CFAP91: variants seen among roughly 807,000 people sequenced by gnomAD.
CFAP91 encodes cilia and flagella associated protein 91, also known as cilia- and flagella-associated protein 91.
In CFAP91, 85 loss-of-function variants were observed where a neutral mutation model predicts 95.9. The observed-to-expected ratio is 0.89, with a 90% CI of 0.74 to 1.06. The LOEUF (loss-of-function observed/expected upper bound fraction) is 1.06, where lower values mean the gene tolerates loss of function less well. Ranked by LOEUF, CFAP91 falls within the 50% of genes least tolerant of loss-of-function variation. The pLI is 0.00. For synonymous variants in CFAP91, 335 were observed against 327.5 expected (o/e 1.02, Z -0.25); for missense variants, 962 against 943.4 (o/e 1.02, Z -0.26).
intron 7 of CFAP91, among the ~76,000 whole-genome samples, chr3:119,727,537 C>T (rs1225898330): frequency 6.6e-6 from 1 of 152,172 alleles, no homozygotes; most frequent in Non-Finnish European, 1.5e-5. Context: ...CTTTTACATG[C>T]TAGACTCTGT....
Position 119,751,046 on chromosome 3 carries a change from A to T in CFAP91, c.2253A>T (p.Ser751=). ...CTGAGGGAGAGCAAGATGAGGCCTC[A>T]AATGCTGCCATGTTACTTGAGAAAG... ...KLTEGEQDEA[S]NAAMLLEKET... Residue 751 remains serine (S), a synonymous_variant, in exon 17 of 18, where the codon TCA becomes TCT. Transcript: ENST00000273390. 5 of 1,613,384 alleles carry T rather than the reference A, an allele frequency of 3.1e-6. No homozygotes were observed. The highest frequency in any genetic ancestry group is 4.2e-6 in the Non-Finnish European group (5 of 1,179,690).
At chr3:119,703,341 T>G in intron 1 of CFAP91, 119 bp downstream of exon 1, 64 of 1,459,558 alleles carry the variant, frequency 4.4e-5, no homozygotes, top group Middle Eastern at 2.3e-4. Context: ...GACTGACCTC[T>G]TGCCCACGGT....
At chr3:119,754,764 C>A (rs533773013) in intron 17 of CFAP91, among the ~76,000 whole-genome samples, 1 of 152,222 alleles carries the variant, frequency 6.6e-6, no homozygotes, top group Admixed American at 6.5e-5. Flanking sequence ...CTCAGCAGAG[C>A]TATGGGGTGG....
chr3:119,748,703 A>G (rs1272711001), intron 16 of CFAP91, among the ~76,000 whole-genome samples: 1 of 152,172 alleles, frequency 6.6e-6, no homozygotes, highest in African/African-American at 2.4e-5. Flanking sequence ...ACAAAGAAAT[A>G]CCTGATTTTT....
At position 119,766,741 on chromosome 3, in the gene CFAP91, A is replaced by G. The variant is rs531861939; in HGVS notation, c.*1691A>G. The stretch of plus-strand genomic sequence containing the variant: ...CTCGATGACACAGAAATGAATGCAC[A>G]TGACTGTGTTCCAGTAAAATTTTAT... On this transcript the variant is annotated 3_prime_UTR_variant, in exon 18 of 18. Coordinates refer to ENST00000273390, the MANE Select transcript of CFAP91 (RefSeq NM_033364.4). The G allele has an allele frequency of 2.0e-5, 3 of 152,368 alleles. No homozygotes were observed. The South Asian group carries it at 6.2e-4, about 32-fold the overall frequency. The allele number at this position is 152,368 out of a possible 1,614,324, so 9.4% of individuals were successfully genotyped here.
In CFAP91 at chr3:119,751,050, G is replaced by C; in HGVS notation, c.2257G>C (p.Ala753Pro). ...GGGAGAGCAAGATGAGGCCTCAAATGCTGCCATGTTACTTGAGAAAGAAAC... is the reference window on the plus strand; with the variant it reads ...GGGAGAGCAAGATGAGGCCTCAAATCCTGCCATGTTACTTGAGAAAGAAAC... ...TEGEQDEASN[A>P]AMLLEKETQN... Residue 753 changes from alanine (A) to proline (P), a missense_variant, in exon 17 of 18, where the codon GCT becomes CCT. Coordinates refer to ENST00000273390, the MANE Select transcript of CFAP91 (RefSeq NM_033364.4). 4 of 1,613,020 alleles carry C rather than the reference G, an allele frequency of 2.5e-6. No homozygotes were observed. The highest frequency in any genetic ancestry group is 1.3e-5 in the African/African-American group (1 of 74,934).
chr3:119,712,694 C>T (rs915424052), intron 5 of CFAP91, among the ~76,000 whole-genome samples: 7 of 152,132 alleles, frequency 4.6e-5, no homozygotes, highest in African/African-American at 1.7e-4. Context: ...GTGGCTCAGA[C>T]CTGTAATCTC....
intron 13 of CFAP91, among the ~76,000 whole-genome samples, chr3:119,741,995 T>C (rs1003159106): frequency 6.6e-6 from 1 of 152,152 alleles, no homozygotes; most frequent in Non-Finnish European, 1.5e-5. Context: ...CCTAGAGTCC[T>C]GGAAAAGCTC....
At chr3:119,719,152 T>C (rs751703612) in intron 6 of CFAP91, among the ~76,000 whole-genome samples, 4 of 152,346 alleles carry the variant, frequency 2.6e-5, no homozygotes, top group African/African-American at 4.8e-5. Flanking sequence ...TGTAGATGTG[T>C]ATATAATTGC....
chr3:119,732,165 G>C (rs991191592), intron 8 of CFAP91, 129 bp from the exon 9 acceptor site: 14 of 674,124 alleles, frequency 2.1e-5, no homozygotes, highest in Non-Finnish European at 3.4e-5. Context: ...TCTGGCTGTC[G>C]TGAGTCATCA....
At chr3:119,762,649 G>A (rs1015034390) in intron 17 of CFAP91, among the ~76,000 whole-genome samples, 2 of 151,964 alleles carry the variant, frequency 1.3e-5, no homozygotes, top group Non-Finnish European at 2.9e-5. Context: ...GTAATAGAGA[G>A]CCCAGAAATG....
intron 5 of CFAP91, among the ~76,000 whole-genome samples, chr3:119,714,891 G>T (rs896840720): frequency 3.9e-5 from 6 of 152,138 alleles, no homozygotes; most frequent in African/African-American, 1.4e-4. Flanking sequence ...TTCACTCAAA[G>T]ATGATATAAA....
chr3:119,763,505 A>G (rs1450817220), intron 17 of CFAP91, among the ~76,000 whole-genome samples: 1 of 152,072 alleles, frequency 6.6e-6, no homozygotes, highest in African/African-American at 2.4e-5. Flanking sequence ...TGTGAAAGAG[A>G]TATCTGCACT....
At chr3:119,711,164 A>ACAATAC (rs2053465442) in intron 5 of CFAP91, among the ~76,000 whole-genome samples, 1 of 152,210 alleles carries the variant, frequency 6.6e-6, no homozygotes, top group East Asian at 1.9e-4. Context: ...TCCTCAAGAT[A>ACAATAC]AATGCTAGTT....
chr3:119,716,807 G>C (rs1279666878), intron 6 of CFAP91, among the ~76,000 whole-genome samples: 1 of 152,024 alleles, frequency 6.6e-6, no homozygotes, highest in Non-Finnish European at 1.5e-5. Context: ...AGCCAGGATG[G>C]TCTCGATCCC....
At chr3:119,749,493 C>T (rs540348343) in intron 16 of CFAP91, among the ~76,000 whole-genome samples, 88 of 151,936 alleles carry the variant, frequency 5.8e-4, no homozygotes, top group African/African-American at 2.1e-3. Context: ...CACTGCATTC[C>T]AGCCTGAACA....
chr3:119,763,134 A>T (rs1162072725), intron 17 of CFAP91, among the ~76,000 whole-genome samples: 1 of 152,094 alleles, frequency 6.6e-6, no homozygotes, highest in Non-Finnish European at 1.5e-5. Flanking sequence ...GAAAATAAAT[A>T]ACCCAATTAA....
chr3:119,707,175 G>T, intron 2 of CFAP91: 1 of 531,060 alleles, frequency 1.9e-6, no homozygotes, highest in Non-Finnish European at 3.3e-6. Context: ...AGCATATACA[G>T]TGTGAAGTAA....
intron 1 of CFAP91, among the ~76,000 whole-genome samples, chr3:119,704,676 G>T (rs192667279): frequency 4.3e-4 from 65 of 152,104 alleles, no homozygotes; most frequent in African/African-American, 1.5e-3. Context: ...ATTTTATCTG[G>T]CAACTCTAGC....
Sources: allele counts gnomAD v4.1 joint callset (sites outside exome capture counted in the v4.1 genomes callset), GRCh38; gene constraint gnomAD v4.1.1; transcripts MANE v1.5; gene names NCBI Gene and HGNC (gene_info 2026-07-23, HGNC 2026-07-21).